Variants in AKAP19 observed in about 807,000 individuals in gnomAD.
AKAP19 encodes small A-kinase anchoring protein.
At chr2:190,070,614 TC>T in the AKAP19 span, among the ~76,000 whole-genome samples, 621 of 119,060 alleles carry the variant, frequency 5.2e-3, 3 homozygotes, top group Non-Finnish European at 6.1e-3. Flanking sequence ...TCCCTCTCTC[TC>T]CCCCCCCCCT....
the AKAP19 span, among the ~76,000 whole-genome samples, chr2:189,983,002 A>G: frequency 6.6e-6 from 1 of 152,084 alleles, no homozygotes; most frequent in African/African-American, 2.4e-5. Context: ...ACTGAAGAGT[A>G]AGAGATAGCT....
the AKAP19 span, among the ~76,000 whole-genome samples, chr2:190,142,596 T>C: frequency 4.6e-5 from 7 of 152,178 alleles, no homozygotes; most frequent in Non-Finnish European, 1.0e-4. Flanking sequence ...TGAAATCTTA[T>C]ATGCCAGTAA....
chr2:189,887,777 T>C, the AKAP19 span, among the ~76,000 whole-genome samples: 1 of 152,228 alleles, frequency 6.6e-6, no homozygotes, highest in South Asian at 2.1e-4. Flanking sequence ...TTTTGAGAAG[T>C]GTCTGTTCAT....
the AKAP19 span, among the ~76,000 whole-genome samples, chr2:189,922,531 G>T: frequency 2.6e-5 from 4 of 152,162 alleles, no homozygotes; most frequent in African/African-American, 7.2e-5. Flanking sequence ...ACAAAAATTT[G>T]CTTGTAACCC....
chr2:190,116,011 A>G, the AKAP19 span, among the ~76,000 whole-genome samples: 1 of 152,008 alleles, frequency 6.6e-6, no homozygotes, highest in South Asian at 2.1e-4. Flanking sequence ...TGTTTTGCAC[A>G]GCTATAATTT....
At chr2:190,148,572 A>AAAGG in the AKAP19 span, among the ~76,000 whole-genome samples, 1 of 152,184 alleles carries the variant, frequency 6.6e-6, no homozygotes, top group Admixed American at 6.5e-5. Flanking sequence ...AATAGTGTCA[A>AAAGG]AAGGATTGGG....
At chr2:190,117,837 G>A in the AKAP19 span, among the ~76,000 whole-genome samples, 1 of 152,214 alleles carries the variant, frequency 6.6e-6, no homozygotes, top group African/African-American at 2.4e-5. Context: ...GATCCACAAT[G>A]AATGTGCTAC....
At chr2:190,130,135 A>T in the AKAP19 span, among the ~76,000 whole-genome samples, 1 of 152,182 alleles carries the variant, frequency 6.6e-6, no homozygotes, top group Non-Finnish European at 1.5e-5. Context: ...ACACAGAGAG[A>T]TTTTATAAAC....
chr2:190,173,114 C>A, the AKAP19 span, among the ~76,000 whole-genome samples: 18 of 144,020 alleles, frequency 1.2e-4, no homozygotes, highest in East Asian at 4.0e-4. Context: ...GACTCCATCT[C>A]AAAAAAAATA....
chr2:189,887,371 C>T, the AKAP19 span, among the ~76,000 whole-genome samples: 27 of 152,216 alleles, frequency 1.8e-4, no homozygotes, highest in African/African-American at 6.5e-4. Context: ...TTATTCCAGT[C>T]TATCATTGAT....
the AKAP19 span, among the ~76,000 whole-genome samples, chr2:190,174,479 C>T: frequency 2.2e-4 from 34 of 152,212 alleles, no homozygotes; most frequent in African/African-American, 7.7e-4. Flanking sequence ...GGCTATGCCC[C>T]CTTTCAAGGT....
At chr2:189,979,319 A>G in the AKAP19 span, among the ~76,000 whole-genome samples, 1 of 152,094 alleles carries the variant, frequency 6.6e-6, no homozygotes, top group East Asian at 1.9e-4. Context: ...ACAAAAATAT[A>G]CAATGGGGAA....
the AKAP19 span, among the ~76,000 whole-genome samples, chr2:189,903,666 AG>A: frequency 6.6e-6 from 1 of 152,036 alleles, no homozygotes; most frequent in Non-Finnish European, 1.5e-5. Flanking sequence ...TTTTAGATAC[AG>A]GGGGTATATG....
the AKAP19 span, among the ~76,000 whole-genome samples, chr2:189,940,490 A>T: frequency 6.6e-6 from 1 of 151,998 alleles, no homozygotes; most frequent in Non-Finnish European, 1.5e-5. Context: ...AGGAACAAAG[A>T]TTGCCTACAA....
At chr2:190,125,091 T>C in the AKAP19 span, among the ~76,000 whole-genome samples, 3 of 152,112 alleles carry the variant, frequency 2.0e-5, no homozygotes, top group African/African-American at 7.2e-5. Flanking sequence ...TTCTGGAGGC[T>C]GTTTTACAAT....
chr2:190,059,967 G>T, the AKAP19 span: 1 of 1,335,780 alleles, frequency 7.5e-7, no homozygotes, highest in Non-Finnish European at 1.0e-6. Flanking sequence ...TAGCTTATGA[G>T]CTTAGGGAAT....
chr2:190,174,270 G>T, the AKAP19 span, among the ~76,000 whole-genome samples: 1 of 152,228 alleles, frequency 6.6e-6, no homozygotes, highest in African/African-American at 2.4e-5. Flanking sequence ...GAAAACTTTT[G>T]CCTGAGGACT....
the AKAP19 span, among the ~76,000 whole-genome samples, chr2:190,137,568 C>A: frequency 6.6e-6 from 1 of 152,200 alleles, no homozygotes; most frequent in Non-Finnish European, 1.5e-5. Context: ...AATAGCCTAG[C>A]ATGGTTTACT....
At chr2:189,907,318 C>G in the AKAP19 span, among the ~76,000 whole-genome samples, 1 of 152,160 alleles carries the variant, frequency 6.6e-6, no homozygotes, top group African/African-American at 2.4e-5. Flanking sequence ...GGCTCCTTGG[C>G]TGTTCCTTCA....
Sources: gnomAD v4.1 joint callset for allele counts (sites outside exome capture counted in the v4.1 genomes callset) on GRCh38, gnomAD v4.1.1 for gene constraint, MANE v1.5 for transcripts, NCBI Gene and HGNC (gene_info 2026-07-23, HGNC 2026-07-21) for gene names.